NEK11: variants seen among roughly 807,000 people sequenced by gnomAD.
NEK11 encodes the protein serine/threonine-protein kinase Nek11.
Under a neutral mutation model 80.7 loss-of-function variants are expected in NEK11, and 72 were observed. The observed-to-expected ratio is 0.89, with a 90% CI of 0.74 to 1.08. The LOEUF (loss-of-function observed/expected upper bound fraction) is 1.08, where lower values mean the gene tolerates loss of function less well. NEK11 is among the 50% of genes least tolerant of loss of function. The pLI is 0.00. For missense variants in NEK11, 764 were observed against 763.6 expected, an observed-to-expected ratio of 1.00 and a Z score of -0.01; for synonymous variants, 251 against 260.7, an observed-to-expected ratio of 0.96 and a Z score of 0.36.
At chr3:131,235,154 G>A (rs1356156979) in intron 15 of NEK11, among the ~76,000 whole-genome samples, 4 of 152,118 alleles carry the variant, frequency 2.6e-5, no homozygotes, top group African/African-American at 7.2e-5. Context: ...ATAAAGGGAC[G>A]GTGACCTTCA....
intron 17 of NEK11, among the ~76,000 whole-genome samples, chr3:131,301,767 G>A (rs2096663653): frequency 6.6e-6 from 1 of 152,060 alleles, no homozygotes; most frequent in Admixed American, 6.6e-5. Context: ...TGTGCTGCTG[G>A]ATTTGGTTTG....
intron 17 of NEK11, among the ~76,000 whole-genome samples, chr3:131,276,988 G>A (rs540386318): frequency 6.6e-6 from 1 of 152,300 alleles, no homozygotes; most frequent in Admixed American, 6.5e-5. Flanking sequence ...CATTTTTGAA[G>A]AGTGCAGGCC....
chr3:131,183,629 G>T (rs1225285057), intron 14 of NEK11, among the ~76,000 whole-genome samples: 1 of 152,166 alleles, frequency 6.6e-6, no homozygotes. Flanking sequence ...TCCTTTTTAT[G>T]GCTGCATAGT....
chr3:131,273,949 G>A (rs2108692755), intron 17 of NEK11, among the ~76,000 whole-genome samples: 1 of 147,360 alleles, frequency 6.8e-6, no homozygotes, highest in South Asian at 2.1e-4. Context: ...CTGTACCAGA[G>A]TGGTCTTTTT....
At chr3:131,125,509 T>C (rs2083166229) in intron 5 of NEK11, among the ~76,000 whole-genome samples, 1 of 152,248 alleles carries the variant, frequency 6.6e-6, no homozygotes, top group Admixed American at 6.5e-5. Flanking sequence ...GGTAATTATT[T>C]ACAATTATAA....
At chr3:131,242,851 A>G (rs1390650318) in intron 15 of NEK11, among the ~76,000 whole-genome samples, 2 of 152,256 alleles carry the variant, frequency 1.3e-5, no homozygotes, top group African/African-American at 4.8e-5. Context: ...ATTGAAGACA[A>G]TATTTTTAAT....
At chr3:131,083,531 C>A (rs2075584846) in intron 4 of NEK11, among the ~76,000 whole-genome samples, 1 of 152,202 alleles carries the variant, frequency 6.6e-6, no homozygotes, top group African/African-American at 2.4e-5. Context: ...TCTTAACTGG[C>A]ACAGGGCTGG....
intron 16 of NEK11, among the ~76,000 whole-genome samples, chr3:131,256,579 A>G (rs1319040513): frequency 6.6e-6 from 1 of 152,166 alleles, no homozygotes; most frequent in Non-Finnish European, 1.5e-5. Context: ...TTGGTCCTCT[A>G]TGGATGCATA....
chr3:131,282,436 T>A (rs1416843995), intron 17 of NEK11, among the ~76,000 whole-genome samples: 5 of 152,154 alleles, frequency 3.3e-5, no homozygotes. Flanking sequence ...CCTGGTATAT[T>A]GAATGGCTAC....
intron 10 of NEK11, among the ~76,000 whole-genome samples, chr3:131,160,696 T>G (rs1341248089): frequency 1.3e-5 from 2 of 152,074 alleles, no homozygotes. Flanking sequence ...TCACATACAA[T>G]GGCACACATA....
intron 5 of NEK11, among the ~76,000 whole-genome samples, chr3:131,118,169 A>G (rs1207156414): frequency 6.6e-6 from 1 of 152,090 alleles, no homozygotes; most frequent in Non-Finnish European, 1.5e-5. Context: ...GTTTATTGAG[A>G]GTTTTGGGTA....
chr3:131,338,986 AT>A (rs1049728827), intron 17 of NEK11, among the ~76,000 whole-genome samples: 87 of 148,206 alleles, frequency 5.9e-4, no homozygotes, highest in African/African-American at 2.3e-3. Flanking sequence ...TGTTATATAT[AT>A]TTTTTTATCA....
chr3:131,058,245 T>C (rs1168260467), intron 3 of NEK11, among the ~76,000 whole-genome samples: 4 of 152,214 alleles, frequency 2.6e-5, no homozygotes, highest in Non-Finnish European at 5.9e-5. Context: ...TCCATTGATC[T>C]ATGTCTCTGT....
At chr3:131,117,140 A>T (rs1374568551) in intron 5 of NEK11, among the ~76,000 whole-genome samples, 1 of 152,176 alleles carries the variant, frequency 6.6e-6, no homozygotes, top group East Asian at 1.9e-4. Flanking sequence ...ATCCATCTTG[A>T]AGAAATTTAA....
chr3:131,241,548 A>C (rs2095519424), intron 15 of NEK11, among the ~76,000 whole-genome samples: 8 of 152,138 alleles, frequency 5.3e-5, no homozygotes, highest in Admixed American at 4.6e-4. Flanking sequence ...TATTGATGTC[A>C]TCATATTTGA....
rs140599545 is a variant in NEK11 at position 131,228,602 on chromosome 3, G to A, written c.1474G>A (p.Glu492Lys). The change falls in exon 15 of 18, where the codon GAG becomes AAG. Residue 492 changes from glutamate (E) to lysine (K), a missense_variant. Transcript: ENST00000383366. ...TGATTCCTATTGTGAAGAGAGTGAT[G>A]AGGAGGAAGAAGAAATAGCGTTAGA... ...AFDSYCEESDEEEEEIALERP... is the reference protein window; with the variant it reads ...AFDSYCEESDKEEEEIALERP... 7.4e-6 allele frequency: 12 copies of A among 1,613,458 alleles called. No homozygotes were observed. The highest frequency in any genetic ancestry group is 1.0e-5 in the Non-Finnish European group (12 of 1,179,486).
chr3:131,112,919 G>A (rs1354324365), intron 5 of NEK11, among the ~76,000 whole-genome samples: 1 of 152,186 alleles, frequency 6.6e-6, no homozygotes, highest in African/African-American at 2.4e-5. Flanking sequence ...CTCCACAAGA[G>A]CTTTTTGAGT....
At chr3:131,323,656 CACTT>C (rs748725315) in intron 17 of NEK11, among the ~76,000 whole-genome samples, 8 of 152,296 alleles carry the variant, frequency 5.3e-5, no homozygotes, top group Non-Finnish European at 8.8e-5. Context: ...TATGGTGAAA[CACTT>C]AACTTGGATA....
chr3:131,045,857 A>G (rs953589296), intron 3 of NEK11, among the ~76,000 whole-genome samples: 2 of 152,068 alleles, frequency 1.3e-5, no homozygotes, highest in Admixed American at 6.5e-5. Flanking sequence ...TCATTGTATA[A>G]TGTCCCTCTT....
Sources: allele counts gnomAD v4.1 joint callset (sites outside exome capture counted in the v4.1 genomes callset), GRCh38; gene constraint gnomAD v4.1.1; transcripts MANE v1.5; gene names NCBI Gene and HGNC (gene_info 2026-07-23, HGNC 2026-07-21).